DAP: variants seen among roughly 807,000 people sequenced by gnomAD.
DAP encodes death-associated protein 1.
DAP carries 8 observed loss-of-function variants against 13.8 expected under a neutral mutation model. The observed-to-expected ratio is 0.58, with a 90% CI of 0.34 to 1.05. The LOEUF (loss-of-function observed/expected upper bound fraction) is 1.05, where lower values mean the gene tolerates loss of function less well. Ranked by LOEUF, DAP falls within the 50% of genes least tolerant of loss-of-function variation. The pLI is 0.03. For missense variants in DAP, 106 were observed against 133.2 expected, an observed-to-expected ratio of 0.80 and a Z score of 1.01; for synonymous variants, 47 against 47.5, an observed-to-expected ratio of 0.99 and a Z score of 0.04.
chr5:10,697,517 TTAAAA>T (rs1164945637), intron 2 of DAP, among the ~76,000 whole-genome samples: 1 of 152,216 alleles, frequency 6.6e-6, no homozygotes, highest in Admixed American at 6.5e-5. Context: ...GACAGGTGCT[TTAAAA>T]ATCACTCTAT....
chr5:10,692,844 T>C (rs1424098529), intron 2 of DAP, among the ~76,000 whole-genome samples: 1 of 152,196 alleles, frequency 6.6e-6, no homozygotes, highest in African/African-American at 2.4e-5. Context: ...GACAGGCAAC[T>C]TGTGAACAAA....
At chr5:10,719,016 T>C (rs188748358) in intron 2 of DAP, among the ~76,000 whole-genome samples, 168 of 152,346 alleles carry the variant, frequency 1.1e-3, no homozygotes, top group African/African-American at 3.9e-3. Context: ...TGAAAACATT[T>C]GCACGCCAGA....
intron 2 of DAP, among the ~76,000 whole-genome samples, chr5:10,731,301 G>A (rs1014228992): frequency 6.6e-6 from 1 of 152,092 alleles, no homozygotes; most frequent in Non-Finnish European, 1.5e-5. Context: ...CTGGTGGGGA[G>A]AATCTTTCTC....
chr5:10,680,780 A>G lies in DAP; in HGVS notation c.*276T>C, dbSNP rs1737965239. 3 of 1,536,540 alleles carry G rather than the reference A, an allele frequency of 2.0e-6. No homozygotes were observed. Among genetic ancestry groups the G allele is most frequent in the Non-Finnish European group, 2.6e-6 (3 of 1,147,018 alleles). ...TGACTGCTGAAATAGAACTAAAGCTAAAATTTTTCTCGGATCTTGGCAAAT... is the reference window on the plus strand; with the variant it reads ...TGACTGCTGAAATAGAACTAAAGCTGAAATTTTTCTCGGATCTTGGCAAAT... On this transcript the variant is annotated 3_prime_UTR_variant, in exon 4 of 4. Transcript: ENST00000230895.
At chr5:10,728,115 C>T (rs1166495899) in intron 2 of DAP, among the ~76,000 whole-genome samples, 2 of 152,178 alleles carry the variant, frequency 1.3e-5, no homozygotes, top group Admixed American at 6.5e-5. Flanking sequence ...CTATGATTAA[C>T]AGGCAAAGAA....
intron 2 of DAP, among the ~76,000 whole-genome samples, chr5:10,730,793 T>A (rs1248108815): frequency 1.0e-5 from 1 of 96,654 alleles, no homozygotes; most frequent in African/African-American, 4.2e-5. Flanking sequence ...TCCTTCTCTA[T>A]TGAGAGCCCT....
intron 2 of DAP, among the ~76,000 whole-genome samples, chr5:10,743,355 G>T (rs1739809591): frequency 6.6e-6 from 1 of 152,178 alleles, no homozygotes; most frequent in Non-Finnish European, 1.5e-5. Flanking sequence ...CTTGGTTGAT[G>T]TGAATTGTTG....
chr5:10,698,663 TATTA>T (rs1301308130), intron 2 of DAP, among the ~76,000 whole-genome samples: 1 of 152,234 alleles, frequency 6.6e-6, no homozygotes, highest in Admixed American at 6.5e-5. Context: ...GTGGTTTATT[TATTA>T]GTTGGTTTCA....
In DAP at chr5:10,705,603, C is replaced by T. The variant is rs3797122; in HGVS notation, c.153-22032G>A. On this transcript the variant is annotated intron_variant, in intron 2 of 3. Coordinates refer to ENST00000230895, the MANE Select transcript of DAP (RefSeq NM_004394.3). Reference sequence around the variant, plus strand: ...GCCCTCATGGTGTGTACTATCTGGGCGAAACCTGTCAGACAACGGGCATTT... The same window carrying T: ...GCCCTCATGGTGTGTACTATCTGGGTGAAACCTGTCAGACAACGGGCATTT... Among the ~76,000 whole-genome samples the T allele has an allele frequency of 4.6e-4, 70 of 152,298 alleles. No individual in the cohort carries two copies. In the East Asian group the frequency reaches 0.011, roughly 24 times the overall value.
At chr5:10,701,608 C>T (rs796535099) in intron 2 of DAP, among the ~76,000 whole-genome samples, 8 of 10,564 alleles carry the variant, frequency 7.6e-4, no homozygotes, top group Admixed American at 1.0e-3. Context: ...GGACGGGGGG[C>T]GGGGGGGCAG....
intron 2 of DAP, among the ~76,000 whole-genome samples, chr5:10,736,290 A>G (rs1739610103): frequency 6.6e-6 from 1 of 152,202 alleles, no homozygotes; most frequent in South Asian, 2.1e-4. Context: ...GAGCACTAGG[A>G]AAACTAATGT....
chr5:10,732,548 T>C (rs1054455753), intron 2 of DAP, among the ~76,000 whole-genome samples: 10 of 152,260 alleles, frequency 6.6e-5, no homozygotes, highest in Non-Finnish European at 2.9e-5. Context: ...TGACTTACCA[T>C]GTTTTGTTTC....
chr5:10,684,928 T>C (rs557352828), intron 2 of DAP, among the ~76,000 whole-genome samples: 523 of 152,226 alleles, frequency 3.4e-3, no homozygotes, highest in Non-Finnish European at 4.5e-3. Context: ...TTAGTTCAGT[T>C]TTGCTTAAGG....
intron 2 of DAP, among the ~76,000 whole-genome samples, chr5:10,692,853 A>C (rs1185865213): frequency 1.3e-5 from 2 of 152,114 alleles, no homozygotes; most frequent in Non-Finnish European, 2.9e-5. Context: ...CTTGTGAACA[A>C]AGTAATTTGT....
At chr5:10,684,729 C>T (rs5745281) in intron 2 of DAP, among the ~76,000 whole-genome samples, 32,509 of 152,144 alleles carry the variant, frequency 0.21, 3,551 homozygotes, top group Middle Eastern at 0.35. Context: ...TTTATGGCTA[C>T]GTGTGCCATA....
intron 1 of DAP, 147 bp downstream of exon 1, chr5:10,760,867 C>T: frequency 2.6e-6 from 1 of 388,376 alleles, no homozygotes. Context: ...GACCTCTCCG[C>T]GGCCCGCGCC....
chr5:10,718,881 T>C (rs1404146150), intron 2 of DAP, among the ~76,000 whole-genome samples: 3 of 152,238 alleles, frequency 2.0e-5, no homozygotes, highest in Non-Finnish European at 4.4e-5. Context: ...TGTGTCATAA[T>C]CTTATTCGGA....
intron 3 of DAP, 49 bp downstream of exon 3, chr5:10,683,480 T>C (rs1339472916): frequency 1.3e-6 from 2 of 1,576,188 alleles, no homozygotes; most frequent in Non-Finnish European, 1.7e-6. Context: ...GGAGACTCCA[T>C]GCTGCCATGC....
intron 2 of DAP, among the ~76,000 whole-genome samples, chr5:10,726,179 C>A (rs1739283859): frequency 6.6e-6 from 1 of 152,262 alleles, no homozygotes; most frequent in African/African-American, 2.4e-5. Flanking sequence ...TTTATACTCT[C>A]TTCCGCCTCC....
Sources: gnomAD v4.1 joint callset for allele counts (sites outside exome capture counted in the v4.1 genomes callset) on GRCh38, gnomAD v4.1.1 for gene constraint, MANE v1.5 for transcripts, NCBI Gene and HGNC (gene_info 2026-07-23, HGNC 2026-07-21) for gene names.